BNC2: variants seen among roughly 807,000 people sequenced by gnomAD.
The protein encoded by BNC2 is zinc finger protein basonuclin-2.
In BNC2, 20 loss-of-function variants were observed where a neutral mutation model predicts 76.3. That is an observed-to-expected ratio of 0.26 (90% CI 0.18 to 0.38). The LOEUF is 0.38. Among genes scored for constraint, BNC2 ranks in the 10% least tolerant of loss-of-function variants. BNC2 has a pLI of 1.00. For missense variants in BNC2, 1,382 were observed against 1,399.8 expected (o/e 0.99, Z 0.20); for synonymous variants, 582 against 514.8 (o/e 1.13, Z -1.77).
At chr9:16,833,772 A>C (rs1434228987) in intron 1 of BNC2, among the ~76,000 whole-genome samples, 1 of 152,148 alleles carries the variant, frequency 6.6e-6, no homozygotes. Context: ...TGTGAACTCA[A>C]ACCCTGCTTA....
chr9:16,836,136 C>T (rs1302412139), intron 1 of BNC2, among the ~76,000 whole-genome samples: 3 of 152,196 alleles, frequency 2.0e-5, no homozygotes, highest in Admixed American at 6.5e-5. Flanking sequence ...TGCCTCACAG[C>T]AAGACGGTCC....
At chr9:16,599,294 A>G (rs1587218844) in intron 3 of BNC2, among the ~76,000 whole-genome samples, 1 of 152,244 alleles carries the variant, frequency 6.6e-6, no homozygotes, top group East Asian at 1.9e-4. Context: ...GTCATAACTT[A>G]CATACTACAG....
At chr9:16,805,019 G>A (rs1402073302) in intron 1 of BNC2, among the ~76,000 whole-genome samples, 3 of 151,908 alleles carry the variant, frequency 2.0e-5, no homozygotes, top group Non-Finnish European at 2.9e-5. Flanking sequence ...CCGAGACCAC[G>A]CCATTGCACT....
chr9:16,840,755 TTCAA>T (rs1818805062), intron 1 of BNC2, among the ~76,000 whole-genome samples: 1 of 152,178 alleles, frequency 6.6e-6, no homozygotes, highest in Admixed American at 6.5e-5. Context: ...AAATAAACAT[TTCAA>T]TCATAGTTAT....
rs1820483076 is a variant in BNC2 at position 16,412,486 on chromosome 9, A to C, written c.*6503T>G. 6.6e-6 allele frequency: 1 copy of C among 152,536 alleles called. No individual in the cohort carries two copies. Among genetic ancestry groups the C allele is most frequent in the Admixed American group, 6.5e-5 (1 of 15,282 alleles). 9.4% of individuals were successfully genotyped at this position (152,536 alleles called of 1,614,324 possible). On this transcript the variant is annotated 3_prime_UTR_variant, in exon 7 of 7. Coordinates refer to ENST00000380672, the MANE Select transcript of BNC2 (RefSeq NM_017637.6). ...AAATTTGCTCTAATTATAGGGCCAC[A>C]CCCATTACTCTCAAGATGGAATTGT...
chr9:16,786,432 C>T (rs372971619), intron 1 of BNC2, among the ~76,000 whole-genome samples: 34 of 150,872 alleles, frequency 2.3e-4, no homozygotes, highest in African/African-American at 8.0e-4. Context: ...ACAGAAGAAA[C>T]GGAGGGAAAA....
intron 3 of BNC2, among the ~76,000 whole-genome samples, chr9:16,630,744 C>T (rs1056324425): frequency 5.6e-4 from 43 of 76,794 alleles, no homozygotes; most frequent in Admixed American, 9.4e-4. Flanking sequence ...AAATGTGGAG[C>T]GTTTCTTTTT....
At chr9:16,788,543 A>G (rs1167537075) in intron 1 of BNC2, among the ~76,000 whole-genome samples, 1 of 128,114 alleles carries the variant, frequency 7.8e-6, no homozygotes, top group African/African-American at 3.1e-5. Context: ...ACAGAGCAAC[A>G]CTCCTTCTCA....
intron 3 of BNC2, among the ~76,000 whole-genome samples, chr9:16,670,664 C>T (rs2134173537): frequency 6.6e-6 from 1 of 152,192 alleles, no homozygotes; most frequent in South Asian, 2.1e-4. Context: ...ACCAATGTTC[C>T]AAGAGGTAAG....
intron 5 of BNC2, among the ~76,000 whole-genome samples, chr9:16,540,352 A>G (rs1818281860): frequency 6.6e-6 from 1 of 152,076 alleles, no homozygotes; most frequent in African/African-American, 2.4e-5. Context: ...CATTATTTAA[A>G]CACTCTAAGC....
chr9:16,778,514 A>T (rs1826031405), intron 1 of BNC2, among the ~76,000 whole-genome samples: 1 of 152,262 alleles, frequency 6.6e-6, no homozygotes, highest in African/African-American at 2.4e-5. Flanking sequence ...AACAGAAAGG[A>T]CAATCTATTA....
chr9:16,662,465 G>C (rs1345471451), intron 3 of BNC2, among the ~76,000 whole-genome samples: 2 of 152,214 alleles, frequency 1.3e-5, no homozygotes, highest in African/African-American at 2.4e-5. Context: ...GCTGAGCGTA[G>C]TGGCTCATGT....
At chr9:16,726,120 AC>A (rs1275076410) in intron 3 of BNC2, among the ~76,000 whole-genome samples, 9 of 152,200 alleles carry the variant, frequency 5.9e-5, no homozygotes, top group African/African-American at 2.2e-4. Flanking sequence ...GCATTCCAAC[AC>A]GCGAGAGCCA....
At chr9:16,527,578 A>G (rs1384114211) in intron 5 of BNC2, among the ~76,000 whole-genome samples, 1 of 152,242 alleles carries the variant, frequency 6.6e-6, no homozygotes, top group Non-Finnish European at 1.5e-5. Context: ...ATAAGCTTCA[A>G]TAGCAGGCCA....
chr9:16,752,072 T>G (rs548078704), intron 1 of BNC2, among the ~76,000 whole-genome samples: 12 of 152,296 alleles, frequency 7.9e-5, no homozygotes, highest in African/African-American at 2.9e-4. Flanking sequence ...CAGTTTTTTA[T>G]GTACGGTAAC....
chr9:16,721,140 G>A (rs1824144899), intron 3 of BNC2, among the ~76,000 whole-genome samples: 1 of 152,134 alleles, frequency 6.6e-6, no homozygotes. Context: ...CATCATTTCT[G>A]GGATGCCATC....
chr9:16,833,481 C>T (rs1818631481), intron 1 of BNC2, among the ~76,000 whole-genome samples: 1 of 152,174 alleles, frequency 6.6e-6, no homozygotes, highest in African/African-American at 2.4e-5. Context: ...AGGTCATTAG[C>T]CTCAGAGCAG....
At chr9:16,706,728 G>C (rs1200286350) in intron 3 of BNC2, among the ~76,000 whole-genome samples, 1 of 151,732 alleles carries the variant, frequency 6.6e-6, no homozygotes, top group Non-Finnish European at 1.5e-5. Flanking sequence ...CTTCACCTTA[G>C]CCAAGCCATG....
At chr9:16,808,606 G>C (rs377402999) in intron 1 of BNC2, among the ~76,000 whole-genome samples, 1 of 145,734 alleles carries the variant, frequency 6.9e-6, no homozygotes, top group African/African-American at 2.5e-5. Context: ...CTCCCACCTC[G>C]GCCTCCTGAG....
Sources: gnomAD v4.1 joint callset for allele counts (sites outside exome capture counted in the v4.1 genomes callset) on GRCh38, gnomAD v4.1.1 for gene constraint, MANE v1.5 for transcripts, NCBI Gene and HGNC (gene_info 2026-07-23, HGNC 2026-07-21) for gene names.